Variants in CHCHD6 observed in about 807,000 individuals in gnomAD.
CHCHD6 encodes the protein coiled-coil-helix-coiled-coil-helix domain containing 6, also known as MICOS complex subunit MIC25.
CHCHD6 carries 28 observed loss-of-function variants against 32.3 expected under a neutral mutation model. The observed-to-expected ratio is 0.87, with a 90% CI of 0.64 to 1.19. The LOEUF is 1.19. Ranked by LOEUF, CHCHD6 falls within the 50% of genes most tolerant of loss-of-function variation. CHCHD6 has a pLI of 0.00. For missense variants in CHCHD6, 333 were observed against 307.0 expected (o/e 1.08, Z -0.63); for synonymous variants, 122 against 117.5 (o/e 1.04, Z -0.25).
At chr3:126,749,777 A>G (rs1213298710) in intron 4 of CHCHD6, among the ~76,000 whole-genome samples, 1 of 152,190 alleles carries the variant, frequency 6.6e-6, no homozygotes, top group Non-Finnish European at 1.5e-5. Flanking sequence ...ACTGGGCTCC[A>G]TCATTTCTGG....
At chr3:126,838,797 TA>T (rs1297307570) in intron 4 of CHCHD6, among the ~76,000 whole-genome samples, 1 of 152,184 alleles carries the variant, frequency 6.6e-6, no homozygotes, top group East Asian at 1.9e-4. Context: ...CCAAGCCTCT[TA>T]AACATCACAG....
At chr3:126,827,878 A>G (rs1576464245) in intron 4 of CHCHD6, among the ~76,000 whole-genome samples, 1 of 152,208 alleles carries the variant, frequency 6.6e-6, no homozygotes, top group East Asian at 1.9e-4. Flanking sequence ...GGCCCAGAGC[A>G]CATGTTCAGA....
chr3:126,876,774 TC>T (rs1293100586), intron 5 of CHCHD6, among the ~76,000 whole-genome samples: 2 of 152,194 alleles, frequency 1.3e-5, no homozygotes, highest in Non-Finnish European at 2.9e-5. Context: ...GATAAACAGA[TC>T]CCTTTCCTCT....
intron 4 of CHCHD6, among the ~76,000 whole-genome samples, chr3:126,826,990 C>G (rs1043033619): frequency 6.2e-4 from 94 of 152,176 alleles, no homozygotes; most frequent in Non-Finnish European, 4.4e-4. Context: ...TAGGAATTAA[C>G]AGGTGAAGGA....
intron 5 of CHCHD6, among the ~76,000 whole-genome samples, chr3:126,868,171 C>T (rs1230743993): frequency 6.6e-6 from 1 of 152,242 alleles, no homozygotes; most frequent in Non-Finnish European, 1.5e-5. Context: ...CTCAGTTTCC[C>T]CCTACAGAGT....
At chr3:126,783,067 G>A (rs147697610) in intron 4 of CHCHD6, among the ~76,000 whole-genome samples, 1 of 152,256 alleles carries the variant, frequency 6.6e-6, no homozygotes, top group African/African-American at 2.4e-5. Flanking sequence ...CATCTTATAT[G>A]TGAAAGTTTG....
intron 5 of CHCHD6, among the ~76,000 whole-genome samples, chr3:126,889,647 C>A (rs914088527): frequency 2.6e-5 from 4 of 152,236 alleles, no homozygotes; most frequent in African/African-American, 9.6e-5. Context: ...CTGCCATTGC[C>A]TTTATGATAC....
intron 5 of CHCHD6, among the ~76,000 whole-genome samples, chr3:126,899,711 G>C (rs1436038051): frequency 1.3e-5 from 2 of 152,280 alleles, no homozygotes; most frequent in Admixed American, 1.3e-4. Context: ...CTGGTCTTGA[G>C]AGTGCCCTTC....
chr3:126,752,072 C>T (rs1576372696), intron 4 of CHCHD6, among the ~76,000 whole-genome samples: 1 of 152,174 alleles, frequency 6.6e-6, no homozygotes, highest in Non-Finnish European at 1.5e-5. Context: ...TGAGTAGGGG[C>T]ACTCTAGGAC....
At chr3:126,720,226 C>A (rs959168417) in intron 1 of CHCHD6, among the ~76,000 whole-genome samples, 3 of 152,142 alleles carry the variant, frequency 2.0e-5, no homozygotes, top group African/African-American at 7.2e-5. Flanking sequence ...GGTCACGCAG[C>A]CCTTTTCCAT....
At chr3:126,943,483 G>T (rs1472584434) in intron 6 of CHCHD6, among the ~76,000 whole-genome samples, 1 of 152,200 alleles carries the variant, frequency 6.6e-6, no homozygotes, top group African/African-American at 2.4e-5. Flanking sequence ...CCCTGTGGTT[G>T]TTCTAAGGGA....
Position 126,722,946 on chromosome 3 carries a change from T to G in CHCHD6, c.88-4132T>G, listed in dbSNP as rs186019793. Among the ~76,000 whole-genome samples the G allele has an allele frequency of 3.8e-3, 572 of 152,260 alleles. 3 individuals carry two copies. The highest frequency in any genetic ancestry group is 5.8e-3 in the Non-Finnish European group (395 of 68,004). On this transcript the variant is annotated intron_variant, in intron 1 of 7. Transcript: ENST00000290913. ...GTTTTATAGTTTTAGCTCTTAATGT[T>G]TAGGTCTCGGATCTGTTTTGTATTA...
At chr3:126,779,001 A>G (rs1937788983) in intron 4 of CHCHD6, among the ~76,000 whole-genome samples, 1 of 150,066 alleles carries the variant, frequency 6.7e-6, no homozygotes, top group South Asian at 2.1e-4. Flanking sequence ...TTCTGGGCTC[A>G]GGCAATGCCT....
intron 1 of CHCHD6, among the ~76,000 whole-genome samples, chr3:126,707,382 G>A (rs1934541560): frequency 6.6e-6 from 1 of 152,144 alleles, no homozygotes. Context: ...TTTAATGAAT[G>A]CAAAATGCTG....
intron 6 of CHCHD6, among the ~76,000 whole-genome samples, chr3:126,954,222 G>A (rs140113589): frequency 8.2e-4 from 125 of 152,272 alleles, no homozygotes; most frequent in African/African-American, 2.9e-3. Context: ...GATAGATTTC[G>A]CCATGGCCCA....
At chr3:126,949,912 G>T (rs542093305) in intron 6 of CHCHD6, 1 of 154,134 alleles carries the variant, frequency 6.5e-6, no homozygotes, top group East Asian at 1.9e-4. Context: ...TTGATGAGAA[G>T]AAAAGGCTGC....
At chr3:126,834,824 A>G (rs1940788740) in intron 4 of CHCHD6, among the ~76,000 whole-genome samples, 1 of 152,180 alleles carries the variant, frequency 6.6e-6, no homozygotes, top group South Asian at 2.1e-4. Context: ...GTGCTGAAGG[A>G]AGCGTTGGCT....
intron 4 of CHCHD6, among the ~76,000 whole-genome samples, chr3:126,803,947 C>T (rs950028146): frequency 7.9e-5 from 12 of 152,168 alleles, no homozygotes; most frequent in Non-Finnish European, 1.3e-4. Flanking sequence ...ACTGAAGAAC[C>T]TGCTCCTGAA....
At chr3:126,792,273 T>TATTCTAATA (rs1414754526) in intron 4 of CHCHD6, among the ~76,000 whole-genome samples, 7 of 146,724 alleles carry the variant, frequency 4.8e-5, no homozygotes, top group African/African-American at 1.8e-4. Context: ...ATAGAATATA[T>TATTCTAATA]TAGAATATAT....
Sources: allele counts gnomAD v4.1 joint callset (sites outside exome capture counted in the v4.1 genomes callset), GRCh38; gene constraint gnomAD v4.1.1; transcripts MANE v1.5; gene names NCBI Gene and HGNC (gene_info 2026-07-23, HGNC 2026-07-21).